Variants in SLC24A5 observed in about 807,000 individuals in gnomAD.
SLC24A5 encodes the protein solute carrier family 24 member 5.
Under a neutral mutation model 51.6 loss-of-function variants are expected in SLC24A5, and 46 were observed. That is an observed-to-expected ratio of 0.89 (90% CI 0.70 to 1.14). The LOEUF is 1.14. Among genes scored for constraint, SLC24A5 ranks in the 50% most tolerant of loss-of-function variants. The probability of loss-of-function intolerance (pLI) is 0.00; values close to 1 mark genes in which losing one functional copy is unlikely to be tolerated. For missense variants in SLC24A5, 581 were observed against 604.1 expected (o/e 0.96, Z 0.40); for synonymous variants, 230 against 214.9 (o/e 1.07, Z -0.62).
In SLC24A5 at chr15:48,142,347, G is replaced by T. The variant is rs2039121391; in HGVS notation, c.1499G>T (p.Gly500Val). ...AATAATAAAATAAGGGGCTGTGGAG[G>T]TTGATATTATTAATAGTGTTATGCA... ...IGNNKIRGCG[G>V] Residue 500 changes from glycine (G) to valine (V), a missense_variant, in exon 9 of 9, where the codon GGT (glycine) becomes GTT (valine). Physicochemically the swap from Gly to Val is moderately radical, Grantham distance 109 (BLOSUM62 -3). Coordinates refer to ENST00000341459, the MANE Select transcript of SLC24A5 (RefSeq NM_205850.3). 12 of 1,584,678 alleles carry T rather than the reference G, an allele frequency of 7.6e-6. No individual in the cohort carries two copies. Among genetic ancestry groups the T allele is most frequent in the Non-Finnish European group, 9.5e-6 (11 of 1,162,706 alleles).
chr15:48,124,810 C>G (rs996681196), intron 2 of SLC24A5: 1 of 152,172 alleles, frequency 6.6e-6, no homozygotes, highest in African/African-American at 2.4e-5. Context: ...GTAGTTCTTA[C>G]AGATGTGTGA....
intron 2 of SLC24A5, chr15:48,122,637 A>G (rs1421919432): frequency 1.3e-5 from 2 of 153,628 alleles, no homozygotes; most frequent in African/African-American, 4.8e-5. Context: ...AGCTCCATTT[A>G]TTGGTTTCTG....
rs1350748442 is a variant in SLC24A5 at position 48,125,301 on chromosome 15, A to G, written c.301+3265A>G. ...ATAATATATATGATTTTATATATAT[A>G]TATATGGTTTCACTTAGTCTTCCCA... On this transcript the variant is annotated intron_variant, in intron 2 of 8. Transcript: ENST00000341459. Among the ~76,000 whole-genome samples the G allele has an allele frequency of 6.0e-5, 9 of 149,980 alleles. 1 individual carries two copies. The Middle Eastern group carries it at 9.7e-3, about 162-fold the overall frequency.
intron 2 of SLC24A5, chr15:48,123,569 A>T (rs980668871): frequency 6.6e-6 from 1 of 152,180 alleles, no homozygotes; most frequent in African/African-American, 2.4e-5. Context: ...ACTGGTTTTT[A>T]CACATAGTAG....
rs1597248928 is a variant in SLC24A5 at position 48,122,194 on chromosome 15, G to A, written c.301+158G>A. 6.7e-6 allele frequency: 5 copies of A among 742,794 alleles called. No individual in the cohort carries two copies. In the East Asian group the frequency reaches 1.3e-4, roughly 19 times the overall value. The allele number at this position is 742,794 out of a possible 1,614,324, so 46.0% of individuals were successfully genotyped here. A position where few individuals can be genotyped will look rare whatever the true frequency, so the allele number is the denominator to read the frequency against. On this transcript the variant is annotated intron_variant, in intron 2 of 8. Coordinates refer to ENST00000341459, the MANE Select transcript of SLC24A5 (RefSeq NM_205850.3). ...TCCCGTGTCTTAAGGAACTGGTCGAGTGTGGTTTCTCTTGGTAGTTAATGT... is the reference window on the plus strand; with the variant it reads ...TCCCGTGTCTTAAGGAACTGGTCGAATGTGGTTTCTCTTGGTAGTTAATGT...
chr15:48,123,445 T>C (rs916485016), intron 2 of SLC24A5: 1 of 152,118 alleles, frequency 6.6e-6, no homozygotes, highest in Non-Finnish European at 1.5e-5. Context: ...TTCCTTTTTT[T>C]CACACAATAT....
At chr15:48,138,572 A>C in intron 6 of SLC24A5, 1 of 162,712 alleles carries the variant, frequency 6.1e-6, no homozygotes, top group Non-Finnish European at 1.4e-5. Context: ...AGGCAGAGGC[A>C]TCATCAATAT....
chr15:48,138,295 C>G (rs1295491619), intron 6 of SLC24A5: 5 of 151,662 alleles, frequency 3.3e-5, no homozygotes, highest in Admixed American at 3.3e-4. Flanking sequence ...AATTTTTATC[C>G]AATATATTAT....
chr15:48,134,862 A>C, intron 4 of SLC24A5, 22 bp from the exon 5 acceptor site: 1 of 1,548,872 alleles, frequency 6.5e-7, no homozygotes, highest in African/African-American at 1.4e-5. Flanking sequence ...TGTAATGGAA[A>C]TAATAACTTA....
chr15:48,121,131 G>T lies in SLC24A5; in HGVS notation c.87G>T (p.Gly29=). The part of the protein sequence containing the change: ...LWATAHLPLS[G]TSLPQRLPRA... ...CCACTGCACATCTGCCTCTCTCAGG[G>T]ACCTCCCTGCCCCAACGTCTCCCAA... Residue 29 remains glycine, a synonymous_variant, in exon 1 of 9, where the codon GGG becomes GGT. Transcript: ENST00000341459. 1 of 1,613,666 alleles carries T rather than the reference G, an allele frequency of 6.2e-7. No individual in the cohort carries two copies.
At chr15:48,127,840 A>T (rs1328751004) in intron 2 of SLC24A5, among the ~76,000 whole-genome samples, 2 of 152,058 alleles carry the variant, frequency 1.3e-5, no homozygotes, top group East Asian at 1.9e-4. Context: ...ATAAATAAAT[A>T]AAAATTAAAA....
intron 6 of SLC24A5, 51 bp from the exon 7 acceptor site, chr15:48,138,918 C>T: frequency 7.3e-7 from 1 of 1,363,042 alleles, no homozygotes; most frequent in Admixed American, 2.1e-5. Context: ...GCATTTCTAA[C>T]TTAATTAGCC....
chr15:48,122,653 A>C (rs2038691887), intron 2 of SLC24A5: 1 of 153,826 alleles, frequency 6.5e-6, no homozygotes, highest in Admixed American at 6.4e-5. Flanking sequence ...TTCTGAAAAT[A>C]AGATCAGCCG....
chr15:48,134,966 A>G lies in SLC24A5; in HGVS notation c.572A>G (p.Tyr191Cys). 1.9e-6 allele frequency: 3 copies of G among 1,608,876 alleles called. No homozygotes were observed. The highest frequency in any genetic ancestry group is 2.6e-6 in the Non-Finnish European group (3 of 1,176,086). ...ISAAAVLGII[Y>C]DNQVYWYEGA... is the part of the protein sequence containing the mutation. ...GCAGCAGCAGTTCTTGGTATAATATATGACAACCAAGTTTACTGGTAAGCT... is the reference window on the plus strand; with the variant it reads ...GCAGCAGCAGTTCTTGGTATAATATGTGACAACCAAGTTTACTGGTAAGCT... Residue 191 changes from tyrosine to cysteine, a missense_variant, in exon 5 of 9, where the codon TAT (tyrosine) becomes TGT (cysteine). By Grantham distance (194) the Tyr-to-Cys change is radical. Transcript: ENST00000341459.
At chr15:48,121,817 C>G in intron 1 of SLC24A5, 40 bp from the exon 2 acceptor site, 1 of 1,601,530 alleles carries the variant, frequency 6.2e-7, no homozygotes, top group Non-Finnish European at 8.6e-7. Context: ...GAATGTGTGA[C>G]TCCAAACTCT....
At chr15:48,127,991 T>C (rs2140713671) in intron 2 of SLC24A5, among the ~76,000 whole-genome samples, 1 of 151,284 alleles carries the variant, frequency 6.6e-6, no homozygotes, top group South Asian at 2.1e-4. Context: ...CAATATATAA[T>C]ACAAATTAAA....
chr15:48,134,623 C>A, intron 4 of SLC24A5, 85 bp downstream of exon 4: 1 of 1,006,400 alleles, frequency 9.9e-7, no homozygotes, highest in Non-Finnish European at 1.5e-6. Context: ...GACAACAGGG[C>A]ACTAATAATA....
intron 7 of SLC24A5, chr15:48,140,812 T>C: frequency 3.2e-6 from 1 of 316,426 alleles, no homozygotes; most frequent in Non-Finnish European, 6.1e-6. Flanking sequence ...CCTGATGAGA[T>C]AATGGTGGAC....
intron 2 of SLC24A5, among the ~76,000 whole-genome samples, chr15:48,125,096 T>G (rs1329047997): frequency 6.6e-6 from 1 of 152,130 alleles, no homozygotes; most frequent in Non-Finnish European, 1.5e-5. Context: ...TTTCCCCAGT[T>G]TCTTGATGAG....
Sources: gnomAD v4.1 joint callset for allele counts (sites outside exome capture counted in the v4.1 genomes callset) on GRCh38, gnomAD v4.1.1 for gene constraint, MANE v1.5 for transcripts, NCBI Gene and HGNC (gene_info 2026-07-23, HGNC 2026-07-21) for gene names.